The following IQSEC2 variants were observed in gnomAD, a reference collection of about 807,000 sequenced individuals.
IQSEC2 encodes IQ motif and Sec7 domain ArfGEF 2.
IQSEC2 carries 6 observed loss-of-function variants against 74.6 expected under a neutral mutation model. That is an observed-to-expected ratio of 0.08 (90% CI 0.04 to 0.16). IQSEC2 has a LOEUF of 0.16. Ranked by LOEUF, IQSEC2 falls within the 10% of genes least tolerant of loss-of-function variation. The pLI, the probability that IQSEC2 is intolerant of heterozygous loss-of-function variation, is 1.00. For missense variants in IQSEC2, 734 were observed against 1,306.2 expected, an observed-to-expected ratio of 0.56 and a Z score of 6.75; for synonymous variants, 494 against 544.5, an observed-to-expected ratio of 0.91 and a Z score of 1.29.
chrX:53,298,846 T>G (rs1271334771), intron 1 of IQSEC2, among the ~76,000 whole-genome samples: 1 of 111,568 alleles, frequency 9.0e-6, no homozygotes, highest in Non-Finnish European at 1.9e-5. Context: ...TGCTGAAATT[T>G]TTATTTTAGC....
intron 1 of IQSEC2, among the ~76,000 whole-genome samples, chrX:53,310,078 C>T (rs1470898058): frequency 1.8e-5 from 2 of 111,438 alleles, no homozygotes; most frequent in Non-Finnish European, 3.8e-5. Flanking sequence ...GGAATGCCAT[C>T]GAAATTACCT....
rs192283796 is a variant in IQSEC2 at position 53,316,221 on chromosome X, C to T, written c.707+4196G>A. ...AGAAATGTTTGTAGATGATAACAAC[C>T]CCATTCTTGCCCCAGATCTAGATAG... On this transcript the variant is annotated intron_variant, in intron 1 of 14. Coordinates refer to ENST00000642864, the MANE Select transcript of IQSEC2 (RefSeq NM_001111125.3). 3.8e-3 allele frequency among the ~76,000 whole-genome samples: 427 copies of T among 111,971 alleles called. 5 individuals are homozygous for T. Among genetic ancestry groups the T allele is most frequent in the Admixed American group, 0.038 (402 of 10,546 alleles).
chrX:53,235,285 A>G, intron 14 of IQSEC2, 101 bp from the exon 15 acceptor site: 2 of 1,033,094 alleles, frequency 1.9e-6, no homozygotes, highest in Non-Finnish European at 2.6e-6. Context: ...GGGAGACAGC[A>G]AACCCCAAGT....
chrX:53,252,287 C>T (rs1268780419), intron 4 of IQSEC2, among the ~76,000 whole-genome samples: 1 of 109,044 alleles, frequency 9.2e-6, no homozygotes, highest in Non-Finnish European at 1.9e-5. Flanking sequence ...TCTCAAACTC[C>T]TGACCTCAGG....
chrX:53,300,488 T>A (rs2075200525), intron 1 of IQSEC2, among the ~76,000 whole-genome samples: 1 of 111,256 alleles, frequency 9.0e-6, no homozygotes, highest in Non-Finnish European at 1.9e-5. Context: ...AATTGTCTAT[T>A]TCCATGGCTG....
intron 2 of IQSEC2, chrX:53,266,360 T>C: frequency 1.3e-6 from 1 of 753,037 alleles, no homozygotes; most frequent in East Asian, 1.5e-4. Context: ...GGAAATTCCT[T>C]TGTACACAGC....
chrX:53,295,497 G>C (rs975340672), intron 1 of IQSEC2, among the ~76,000 whole-genome samples: 1 of 106,835 alleles, frequency 9.4e-6, no homozygotes, highest in Non-Finnish European at 1.9e-5. Flanking sequence ...CCAGCTACTC[G>C]GGAGGCTGAG....
chrX:53,239,500 C>T (rs2074185696), intron 10 of IQSEC2: 1 of 394,325 alleles, frequency 2.5e-6, no homozygotes, highest in African/African-American at 2.6e-5. Context: ...GATGTAATGA[C>T]CACGCACCAC....
rs374090312 is a variant in IQSEC2 at position 53,304,829 on chromosome X, T to C, written c.708-12905A>G. 1.5e-4 allele frequency among the ~76,000 whole-genome samples: 17 copies of C among 112,256 alleles called. No individual in the cohort carries two copies. The South Asian group carries it at 6.4e-3, about 42-fold the overall frequency. ...TAAGCAAATACTATATGTTATATAA[T>C]CATAATAAAGTAATAAGCAGACTTT... is the stretch of plus-strand genomic sequence containing the variant. On this transcript the variant is annotated intron_variant, in intron 1 of 14. Transcript: ENST00000642864.
intron 2 of IQSEC2, among the ~76,000 whole-genome samples, chrX:53,261,406 C>T (rs1556866500): frequency 9.1e-6 from 1 of 109,971 alleles, no homozygotes; most frequent in Non-Finnish European, 1.9e-5. Context: ...AAACCAACTC[C>T]CTCTTTGGAT....
Position 53,291,892 on chromosome X carries a change from G to A in IQSEC2, c.737+3C>T. On this transcript the variant is annotated splice_donor_region_variant and intron_variant, in intron 2 of 14. Transcript: ENST00000642864. The stretch of plus-strand genomic sequence containing the variant: ...ACTAGTACTAAAGAAAGGAGGTACT[G>A]ACCTGACTGTTCTGGAATTCTCACC... 8.6e-7 allele frequency: 1 copy of A among 1,164,980 alleles called. No individual in the cohort carries two copies. Among genetic ancestry groups the A allele is most frequent in the Non-Finnish European group, 1.1e-6 (1 of 870,995 alleles).
At chrX:53,281,170 G>C (rs1160156990) in intron 2 of IQSEC2, among the ~76,000 whole-genome samples, 3 of 112,552 alleles carry the variant, frequency 2.7e-5, no homozygotes, top group African/African-American at 9.7e-5. Flanking sequence ...TGGAATGTTG[G>C]TGTTAGAATC....
At chrX:53,235,253 C>A in intron 14 of IQSEC2, 69 bp from the exon 15 acceptor site, 2 of 1,147,389 alleles carry the variant, frequency 1.7e-6, no homozygotes, top group Non-Finnish European at 2.3e-6. Context: ...AATTCCACCC[C>A]TGTCCCTGAG....
intron 6 of IQSEC2, 104 bp from the exon 7 acceptor site, chrX:53,248,340 T>G: frequency 1.0e-6 from 1 of 1,003,060 alleles, no homozygotes; most frequent in Non-Finnish European, 1.4e-6. Context: ...TGATAGACTC[T>G]CAAATTCAGG....
At position 53,235,259 on chromosome X, in the gene IQSEC2, C is replaced by T. The variant is rs1263550369; in HGVS notation, c.3502-75G>A. The T allele has an allele frequency of 3.5e-6, 4 of 1,132,511 alleles. No homozygotes were observed. In the African/African-American group the frequency reaches 7.3e-5, roughly 21 times the overall value. The allele number at this position is 1,132,511 out of a possible 1,213,427, so 93.3% of individuals were successfully genotyped here. ...CCAGCCCTAAATTCCACCCCTGTCCCTGAGGGCTGGAGCTGGGGAGACAGC... is the reference window on the plus strand; with the variant it reads ...CCAGCCCTAAATTCCACCCCTGTCCTTGAGGGCTGGAGCTGGGGAGACAGC... On this transcript the variant is annotated intron_variant, in intron 14 of 14. Transcript: ENST00000642864.
rs189183148 is a variant in IQSEC2 at position 53,241,770 on chromosome X, C to G, written c.3015+14G>C. ...ACTCTCTCCCTCCCATCTCCTCCCC[C>G]ACAGTGCTCATACCACAAGGAGATC... On this transcript the variant is annotated intron_variant, in intron 10 of 14. Transcript: ENST00000642864. The G allele has an allele frequency of 8.1e-4, 984 of 1,209,458 alleles. 7 individuals are homozygous for G. The African/African-American group carries it at 0.015, about 19-fold the overall frequency.
intron 1 of IQSEC2, among the ~76,000 whole-genome samples, chrX:53,308,263 G>C (rs1602369043): frequency 9.2e-6 from 1 of 108,243 alleles, no homozygotes; most frequent in East Asian, 2.9e-4. Flanking sequence ...ACCTTGTTCT[G>C]AATGCTGGTT....
intron 2 of IQSEC2, among the ~76,000 whole-genome samples, chrX:53,259,460 G>A (rs1163585988): frequency 3.7e-5 from 4 of 109,247 alleles, no homozygotes; most frequent in Non-Finnish European, 7.6e-5. Flanking sequence ...AGCCAAGATT[G>A]TGCCACCACA....
chrX:53,288,478 C>A (rs1348483563), intron 2 of IQSEC2, among the ~76,000 whole-genome samples: 1 of 108,308 alleles, frequency 9.2e-6, no homozygotes, highest in African/African-American at 3.4e-5. Context: ...CCAGGGCCAA[C>A]AAGTTCAGGC....
Sources: gnomAD v4.1 joint callset for allele counts (sites outside exome capture counted in the v4.1 genomes callset) on GRCh38, gnomAD v4.1.1 for gene constraint, MANE v1.5 for transcripts, NCBI Gene and HGNC (gene_info 2026-07-23, HGNC 2026-07-21) for gene names.